The following FIGN variants were observed in gnomAD, a reference collection of about 807,000 sequenced individuals.
FIGN encodes the protein fidgetin, microtubule severing factor, also known as fidgetin.
A neutral mutation model predicts 51.3 loss-of-function variants in FIGN; 11 were observed. The ratio of observed to expected loss-of-function variants is 0.21; its 90% CI spans 0.13 to 0.35. The LOEUF (loss-of-function observed/expected upper bound fraction) is 0.35, where lower values mean the gene tolerates loss of function less well. Among genes scored for constraint, FIGN ranks in the 10% least tolerant of loss-of-function variants. The probability of loss-of-function intolerance (pLI) is 1.00; values close to 1 mark genes in which losing one functional copy is unlikely to be tolerated. For missense variants in FIGN, 857 were observed against 943.6 expected, an observed-to-expected ratio of 0.91 and a Z score of 1.20; for synonymous variants, 407 against 363.2, an observed-to-expected ratio of 1.12 and a Z score of -1.37.
At chr2:163,654,072 C>T (rs1012536395) in intron 2 of FIGN, among the ~76,000 whole-genome samples, 5 of 151,948 alleles carry the variant, frequency 3.3e-5, no homozygotes, top group African/African-American at 1.2e-4. Flanking sequence ...CTGGCTTGAC[C>T]TATGAATGAA....
chr2:163,724,969 A>G (rs1253343974), intron 2 of FIGN, among the ~76,000 whole-genome samples: 2 of 152,162 alleles, frequency 1.3e-5, no homozygotes, highest in African/African-American at 4.8e-5. Flanking sequence ...GGTTTAATTT[A>G]CAAAATTGCC....
At chr2:163,613,534 C>G (rs16848716) in intron 2 of FIGN, among the ~76,000 whole-genome samples, 1 of 151,996 alleles carries the variant, frequency 6.6e-6, no homozygotes, top group East Asian at 1.9e-4. Context: ...AGTTTGGTAA[C>G]AGAATGGCAT....
In FIGN at chr2:163,690,498, T is replaced by TA. The variant is rs144314948; in HGVS notation, c.25+44404dup. Among the ~76,000 whole-genome samples, 1,212 of 152,194 alleles carry TA rather than the reference T, an allele frequency of 8.0e-3. 14 individuals carry two copies. The highest frequency in any genetic ancestry group is 0.025 in the African/African-American group (1,041 of 41,530). On this transcript the variant is annotated intron_variant, in intron 2 of 2. Transcript: ENST00000333129. ...ATAGAACCATTTGTAAAAAGCAATC[T>TA]AATCTAGATAAATACACACAATATA...
At chr2:163,730,264 A>G (rs527836378) in intron 2 of FIGN, among the ~76,000 whole-genome samples, 1 of 152,382 alleles carries the variant, frequency 6.6e-6, no homozygotes, top group African/African-American at 2.4e-5. Flanking sequence ...AACATCAAAA[A>G]TATCAAAAAG....
At chr2:163,692,475 A>G (rs1573954113) in intron 2 of FIGN, among the ~76,000 whole-genome samples, 1 of 152,224 alleles carries the variant, frequency 6.6e-6, no homozygotes, top group Non-Finnish European at 1.5e-5. Flanking sequence ...CAAAGATGCT[A>G]ATAATGTTTC....
At chr2:163,639,254 A>G (rs1683271409) in intron 2 of FIGN, among the ~76,000 whole-genome samples, 2 of 152,148 alleles carry the variant, frequency 1.3e-5, no homozygotes, top group African/African-American at 4.8e-5. Context: ...TTTTTTTACA[A>G]TTAAAATTTT....
chr2:163,651,602 G>A (rs1683478967), intron 2 of FIGN, among the ~76,000 whole-genome samples: 1 of 152,152 alleles, frequency 6.6e-6, no homozygotes, highest in Non-Finnish European at 1.5e-5. Context: ...AAAATTTTAT[G>A]TTCTATATGC....
At chr2:163,719,436 TCAGCCCCA>T (rs1401591126) in intron 2 of FIGN, among the ~76,000 whole-genome samples, 1 of 152,078 alleles carries the variant, frequency 6.6e-6, no homozygotes, top group Non-Finnish European at 1.5e-5. Flanking sequence ...CTGGGCACAC[TCAGCCCCA>T]CAGCCCAACC....
At chr2:163,709,907 T>C (rs1226817756) in intron 2 of FIGN, among the ~76,000 whole-genome samples, 6 of 152,202 alleles carry the variant, frequency 3.9e-5, no homozygotes, top group Non-Finnish European at 5.9e-5. Flanking sequence ...TATTTTCTCA[T>C]TGCCTTACAA....
At chr2:163,643,692 G>A (rs549394269) in intron 2 of FIGN, among the ~76,000 whole-genome samples, 2 of 150,000 alleles carry the variant, frequency 1.3e-5, no homozygotes, top group South Asian at 4.2e-4. Flanking sequence ...AGTGGCTCAT[G>A]CCTGTCATCC....
At chr2:163,691,462 G>A (rs866474177) in intron 2 of FIGN, among the ~76,000 whole-genome samples, 1 of 152,066 alleles carries the variant, frequency 6.6e-6, no homozygotes, top group Non-Finnish European at 1.5e-5. Context: ...AGTTCCAGGA[G>A]GCACCTGAGT....
chr2:163,696,560 A>T (rs1490073608), intron 2 of FIGN, among the ~76,000 whole-genome samples: 1 of 152,150 alleles, frequency 6.6e-6, no homozygotes, highest in Non-Finnish European at 1.5e-5. Context: ...ATTTTGAGAG[A>T]GTGCCAGGAA....
chr2:163,608,631 A>AT lies in FIGN; in HGVS notation c.*920_*921insA, dbSNP rs1347226856. The AT allele has an allele frequency of 6.6e-6, 1 of 152,260 alleles. No individual in the cohort carries two copies. Among genetic ancestry groups the AT allele is most frequent in the Non-Finnish European group, 1.5e-5 (1 of 68,042 alleles). The allele number at this position is 152,260 out of a possible 1,614,324, so 9.4% of individuals were successfully genotyped here. A position where few individuals can be genotyped will look rare whatever the true frequency, so the allele number is the denominator to read the frequency against. On this transcript the variant is annotated 3_prime_UTR_variant, in exon 3 of 3. Transcript: ENST00000333129. ...AATTATCAAGGAGCAATGTACTAAG[A>AT]ACTCTTGCAGTTATTGACATAAAGA... is the stretch of plus-strand genomic sequence containing the variant.
intron 2 of FIGN, among the ~76,000 whole-genome samples, chr2:163,718,063 AG>A (rs1346672246): frequency 6.7e-6 from 1 of 149,910 alleles, no homozygotes; most frequent in African/African-American, 2.5e-5. Flanking sequence ...TACAGGGGGG[AG>A]GGGGGAGAGT....
chr2:163,664,976 T>C (rs923694643), intron 2 of FIGN, among the ~76,000 whole-genome samples: 2 of 151,068 alleles, frequency 1.3e-5, no homozygotes, highest in Non-Finnish European at 2.9e-5. Context: ...GTTTCCCCAA[T>C]GGGCTGGTGA....
At chr2:163,700,184 C>A (rs908793204) in intron 2 of FIGN, among the ~76,000 whole-genome samples, 1 of 152,090 alleles carries the variant, frequency 6.6e-6, no homozygotes, top group Non-Finnish European at 1.5e-5. Context: ...TTAGTTATAA[C>A]GCTGGAGGAA....
intron 2 of FIGN, among the ~76,000 whole-genome samples, chr2:163,637,073 C>G (rs1283140698): frequency 6.6e-6 from 1 of 151,990 alleles, no homozygotes. Flanking sequence ...AGTGAGACAC[C>G]GTCTCAAACA....
intron 2 of FIGN, among the ~76,000 whole-genome samples, chr2:163,641,859 A>G (rs534756869): frequency 1.3e-5 from 2 of 152,222 alleles, no homozygotes; most frequent in Non-Finnish European, 2.9e-5. Context: ...AATTTTATTT[A>G]CTGAAAATCT....
chr2:163,612,562 C>T (rs1682771995), intron 2 of FIGN: 1 of 984,630 alleles, frequency 1.0e-6, no homozygotes, highest in Non-Finnish European at 1.2e-6. Context: ...TCCTTTCTGC[C>T]TCTCAGTTCT....
Sources: allele counts gnomAD v4.1 joint callset (sites outside exome capture counted in the v4.1 genomes callset), GRCh38; gene constraint gnomAD v4.1.1; transcripts MANE v1.5; gene names NCBI Gene and HGNC (gene_info 2026-07-23, HGNC 2026-07-21).